Variants in SEC16A observed in about 807,000 individuals in gnomAD.
SEC16A encodes the protein SEC16 homolog A, endoplasmic reticulum export factor, also known as protein transport protein Sec16A.
A neutral mutation model predicts 221.9 loss-of-function variants in SEC16A; 110 were observed. That is an observed-to-expected ratio of 0.50 (90% CI 0.42 to 0.58). SEC16A has a LOEUF of 0.58. Ranked by LOEUF, SEC16A falls within the 20% of genes least tolerant of loss-of-function variation. The pLI, the probability that SEC16A is intolerant of heterozygous loss-of-function variation, is 0.00. For synonymous variants in SEC16A, 1,393 were observed against 1,257.7 expected (o/e 1.11, Z -2.28); for missense variants, 3,165 against 3,097.8 (o/e 1.02, Z -0.52).
chr9:136,447,128 A>G lies in SEC16A; in HGVS notation c.6697+99T>C. On this transcript the variant is annotated intron_variant, in intron 27 of 31. Transcript: ENST00000684901. This position sits in a 1 kb window ranked among gnomAD's most constrained non-coding sequence, Gnocchi z 5.5. The stretch of plus-strand genomic sequence containing the variant: ...AGGCTCTCTGCATGCTGGCCAGGTC[A>G]TTCTTTTAACGGGAGATTTAGGAGA... 2.0e-6 allele frequency: 3 copies of G among 1,518,650 alleles called. No individual in the cohort carries two copies. The highest frequency in any genetic ancestry group is 2.7e-6 in the Non-Finnish European group (3 of 1,129,372). 94.1% of individuals were successfully genotyped at this position (1,518,650 alleles called of 1,614,324 possible).
At position 136,459,043 on chromosome 9, in the gene SEC16A, T is replaced by C. The variant is rs1248837188; in HGVS notation, c.5409+91A>G. The stretch of plus-strand genomic sequence containing the variant: ...AAAAAACTCACATCATTTTTTTCGA[T>C]ACCAATTCAAACAATCTAAGTAGCC... On this transcript the variant is annotated intron_variant, in intron 17 of 31. Coordinates refer to ENST00000684901, the MANE Select transcript of SEC16A (RefSeq NM_014866.2). This position sits in a 1 kb window ranked among gnomAD's most constrained non-coding sequence, Gnocchi z 6.1. The C allele has an allele frequency of 3.6e-6, 3 of 830,970 alleles. No individual in the cohort carries two copies. Among genetic ancestry groups the C allele is most frequent in the African/African-American group, 1.7e-5 (1 of 57,386 alleles). The allele number at this position is 830,970 out of a possible 1,614,324, so 51.5% of individuals were successfully genotyped here.
At chr9:136,454,993 G>C (rs1039656924) in intron 20 of SEC16A, among the ~76,000 whole-genome samples, 1 of 152,128 alleles carries the variant, frequency 6.6e-6, no homozygotes, top group Admixed American at 6.5e-5. Flanking sequence ...AGCTTGGAGG[G>C]CCTGTGGCCA....
At chr9:136,450,624 A>G (rs2131965217) in intron 23 of SEC16A, among the ~76,000 whole-genome samples, 1 of 152,332 alleles carries the variant, frequency 6.6e-6, no homozygotes, top group South Asian at 2.1e-4. Flanking sequence ...CATCAGCCCC[A>G]GCACAATGGC....
Position 136,474,084 on chromosome 9 carries a change from G to C in SEC16A, c.3532C>G (p.Pro1178Ala), listed in dbSNP as rs762445817. ...AYQPQYSLPY[P>A]PEPGAASLYY... Reference sequence around the variant, plus strand: ...AGGGAGGCTGCGCCAGGCTCCGGTGGGTACGGCAAAGAGTACTGAGGCTGG... The same window carrying C: ...AGGGAGGCTGCGCCAGGCTCCGGTGCGTACGGCAAAGAGTACTGAGGCTGG... The change falls in exon 3 of 32, where the codon CCA becomes GCA. Residue 1178 changes from proline to alanine, a missense_variant. Around this residue, in one of 3 missense-constraint regions of SEC16A, gnomAD observed 2,030 missense variants for 1,923.1 expected, o/e 1.06. Transcript: ENST00000684901. 7 of 1,609,542 alleles carry C rather than the reference G, an allele frequency of 4.3e-6. No homozygotes were observed. The South Asian group carries it at 7.7e-5, about 18-fold the overall frequency.
intron 31 of SEC16A, among the ~76,000 whole-genome samples, chr9:136,443,069 C>A (rs1259796939): frequency 6.6e-6 from 1 of 152,264 alleles, no homozygotes; most frequent in Non-Finnish European, 1.5e-5. Flanking sequence ...GGAGAGATCA[C>A]GCTCGGCTCA....
chr9:136,472,563 C>T (rs1408428029), intron 3 of SEC16A, among the ~76,000 whole-genome samples: 1 of 152,228 alleles, frequency 6.6e-6, no homozygotes, highest in Non-Finnish European at 1.5e-5. Context: ...TCAGTTAAGT[C>T]AGAGAACCAG....
chr9:136,483,455 C>T, upstream of SEC16A: 5 of 761,548 alleles, frequency 6.6e-6, no homozygotes, highest in Non-Finnish European at 6.3e-6. Context: ...CGCCCCTCGG[C>T]CGTCCTTCCC....
At chr9:136,471,378 G>C (rs1404568071) in intron 4 of SEC16A, among the ~76,000 whole-genome samples, 1 of 152,182 alleles carries the variant, frequency 6.6e-6, no homozygotes, top group East Asian at 1.9e-4. Flanking sequence ...GGAGGTTGAA[G>C]TGGGAAGATT....
At chr9:136,484,127 C>CACCCTGGCCCCAGCCCT (rs1554824961), upstream of SEC16A, 1 of 169,092 alleles carries the variant, frequency 5.9e-6, no homozygotes, top group Non-Finnish European at 1.2e-5. Context: ...CTCCCAGGCC[C>CACCCTGGCCCCAGCCCT]ACCCTGGCCC....
intron 1 of SEC16A, among the ~76,000 whole-genome samples, chr9:136,479,300 T>C (rs1842025611): frequency 6.6e-6 from 1 of 152,208 alleles, no homozygotes; most frequent in African/African-American, 2.4e-5. Flanking sequence ...AACAGATAAG[T>C]TTAGCCAATC....
rs375601006 is a variant in SEC16A, at chr9:136,476,493, A to C, written c.1123T>G (p.Phe375Val). The C allele has an allele frequency of 4.6e-5, 75 of 1,612,974 alleles. No homozygotes were observed. The highest frequency in any genetic ancestry group is 6.1e-5 in the Non-Finnish European group (72 of 1,179,730). The change falls in exon 3 of 32, where the codon TTT (phenylalanine) becomes GTT (valine). Residue 375 changes from phenylalanine to valine, a missense_variant. Phe to Val is a conservative substitution (Grantham distance 50). Coordinates refer to ENST00000684901, the MANE Select transcript of SEC16A (RefSeq NM_014866.2). ...DSGASGALAM[F>V]FQGGETENEE... ...TTTTCTGTCTCTCCCCCTTGGAAAAACATCGCCAGAGCTCCTGAAGCTCCT... is the reference window on the plus strand; with the variant it reads ...TTTTCTGTCTCTCCCCCTTGGAAAACCATCGCCAGAGCTCCTGAAGCTCCT...
At position 136,467,019 on chromosome 9, in the gene SEC16A, C is replaced by T; in HGVS notation, c.3867G>A (p.Arg1289=). ...ARVRDPRTYD[R]RYWCDAEYDA... ...CATACTCTGCATCACACCAATACCT[C>T]CGGTCATAGGTGCGGGGGTCCCTGA... The change falls in exon 6 of 32, where the codon CGG becomes CGA. Residue 1289 remains arginine, a synonymous_variant. Coordinates refer to ENST00000684901, the MANE Select transcript of SEC16A (RefSeq NM_014866.2). The T allele has an allele frequency of 6.2e-7, 1 of 1,613,920 alleles. No individual in the cohort carries two copies. The highest frequency in any genetic ancestry group is 8.5e-7 in the Non-Finnish European group (1 of 1,179,834).
intron 31 of SEC16A, among the ~76,000 whole-genome samples, chr9:136,442,379 G>A (rs1836310905): frequency 6.6e-6 from 1 of 152,258 alleles, no homozygotes; most frequent in African/African-American, 2.4e-5. Flanking sequence ...GTGGTCCTGG[G>A]AGCCTCGGCC....
At chr9:136,483,146 CTCTTTCAGCCCTTCACAGCCCATCCCT>C, upstream of SEC16A, 1 of 437,904 alleles carries the variant, frequency 2.3e-6, no homozygotes, top group African/African-American at 2.1e-5. Context: ...CAGACGCGTT[CTCTTTCAGCCCTTCACAGCCCATCCCT>C]CGGCCCCGCC....
rs371836447 is a variant in SEC16A, at chr9:136,460,419, C to T, written c.4992-296G>A. ...GCAGTGAGCTGGGATCGTGCCACTG[C>T]ACTCTAGCCTGGGTGACAGAGCAAG... is the stretch of plus-strand genomic sequence containing the variant. On this transcript the variant is annotated intron_variant, in intron 13 of 31. Transcript: ENST00000684901. Among the ~76,000 whole-genome samples, 261 of 152,158 alleles carry T rather than the reference C, an allele frequency of 1.7e-3. 1 individual carries two copies. Among genetic ancestry groups the T allele is most frequent in the Middle Eastern group, 6.8e-3 (2 of 292 alleles).
chr9:136,454,787 C>T (rs1212852424), intron 20 of SEC16A, among the ~76,000 whole-genome samples: 1 of 152,248 alleles, frequency 6.6e-6, no homozygotes, highest in African/African-American at 2.4e-5. Context: ...GCTGGGTCCT[C>T]ATGGGGGTCG....
chr9:136,479,279 C>T (rs1842021335), intron 1 of SEC16A, among the ~76,000 whole-genome samples: 1 of 152,214 alleles, frequency 6.6e-6, no homozygotes, highest in African/African-American at 2.4e-5. Flanking sequence ...TCAGCACCAC[C>T]CTCATGAACA....
intron 8 of SEC16A, 81 bp downstream of exon 8, chr9:136,465,881 T>C (rs1285901490): frequency 1.4e-6 from 2 of 1,404,066 alleles, no homozygotes; most frequent in Non-Finnish European, 1.9e-6. Context: ...ATCCCAGCCC[T>C]GACTCCCGTG....
chr9:136,453,069 CAAAAAAAAAAAAAA>C (rs993462869), intron 22 of SEC16A, among the ~76,000 whole-genome samples: 32 of 64,836 alleles, frequency 4.9e-4, no homozygotes, highest in African/African-American at 1.9e-3. Flanking sequence ...GAATCTGTCT[CAAAAAAAAAAAAAA>C]GAAAAAAAAA....
Sources: allele counts gnomAD v4.1 joint callset (sites outside exome capture counted in the v4.1 genomes callset), GRCh38; gene constraint gnomAD v4.1.1; regional missense constraint gnomAD v4.1.1; non-coding constraint Gnocchi (gnomAD v3.1); transcripts MANE v1.5; gene names NCBI Gene and HGNC (gene_info 2026-07-23, HGNC 2026-07-21).